The following QNG1 variants were observed in gnomAD, a reference collection of about 807,000 sequenced individuals.
The protein encoded by QNG1 is queuosine 5'-phosphate N-glycosylase/hydrolase.
the QNG1 span, chr9:83,939,125 G>A: frequency 4.8e-4 from 89 of 183,956 alleles, no homozygotes; most frequent in Non-Finnish European, 8.0e-4. Context: ...TGAGGCTGGA[G>A]TGCAATGGCC....
the QNG1 span, among the ~76,000 whole-genome samples, chr9:83,949,095 TAAAAAAA>T: frequency 5.0e-5 from 6 of 121,136 alleles, no homozygotes; most frequent in African/African-American, 1.8e-4. Flanking sequence ...CAATAAATAC[TAAAAAAA>T]AAAAAAAAAG....
chr9:83,955,429 G>A, the QNG1 span: 1 of 1,614,076 alleles, frequency 6.2e-7, no homozygotes, highest in East Asian at 2.2e-5. Flanking sequence ...CAACCACCAG[G>A]TGCATTAACT....
At chr9:83,944,028 C>CAAACAAACAAACAAACAAACAAAA in the QNG1 span, among the ~76,000 whole-genome samples, 26 of 149,966 alleles carry the variant, frequency 1.7e-4, no homozygotes, top group African/African-American at 5.9e-4. Flanking sequence ...CTCAAACAAA[C>CAAACAAACAAACAAACAAACAAAA]AAACATAAAG....
chr9:83,952,876 C>T, the QNG1 span, among the ~76,000 whole-genome samples: 19 of 149,704 alleles, frequency 1.3e-4, no homozygotes, highest in Non-Finnish European at 2.5e-4. Flanking sequence ...CAGAGAACCG[C>T]TTGAACCTGG....
the QNG1 span, among the ~76,000 whole-genome samples, chr9:83,945,743 G>A: frequency 1.3e-5 from 2 of 151,650 alleles, no homozygotes; most frequent in African/African-American, 4.9e-5. Context: ...CTGGGACTAC[G>A]GGCGCCGTCA....
At chr9:83,944,622 A>G in the QNG1 span, among the ~76,000 whole-genome samples, 5 of 152,268 alleles carry the variant, frequency 3.3e-5, no homozygotes, top group Non-Finnish European at 5.9e-5. Context: ...CACAGTGTAA[A>G]CAAAAAGAAA....
At chr9:83,954,042 G>T in the QNG1 span, among the ~76,000 whole-genome samples, 1 of 151,974 alleles carries the variant, frequency 6.6e-6, no homozygotes, top group Admixed American at 6.6e-5. Flanking sequence ...CTACAGGTGC[G>T]TGCAACCATA....
the QNG1 span, among the ~76,000 whole-genome samples, chr9:83,955,809 T>C: frequency 6.6e-6 from 1 of 152,246 alleles, no homozygotes; most frequent in Non-Finnish European, 1.5e-5. Flanking sequence ...CTTGTTCATC[T>C]GTACTTATTC....
the QNG1 span, chr9:83,956,037 C>G: frequency 1.6e-4 from 142 of 872,824 alleles, no homozygotes; most frequent in Non-Finnish European, 2.4e-4. Flanking sequence ...TAAGGACTTG[C>G]AACGAACTTC....
chr9:83,953,343 ATTCT>A, the QNG1 span, among the ~76,000 whole-genome samples: 1 of 151,168 alleles, frequency 6.6e-6, no homozygotes, highest in South Asian at 2.1e-4. Context: ...ATACAATTGA[ATTCT>A]TTTTTTTTTT....
the QNG1 span, chr9:83,956,276 G>A: frequency 6.2e-7 from 1 of 1,614,128 alleles, no homozygotes; most frequent in Non-Finnish European, 8.5e-7. Context: ...AAAAGGAGAA[G>A]TTGAGCGTGT....
chr9:83,949,153 C>T, the QNG1 span, among the ~76,000 whole-genome samples: 6 of 151,512 alleles, frequency 4.0e-5, no homozygotes, highest in Middle Eastern at 3.5e-3. Flanking sequence ...TTCTCATTTT[C>T]TGAGAAAATG....
At chr9:83,950,499 T>C in the QNG1 span, among the ~76,000 whole-genome samples, 2 of 152,222 alleles carry the variant, frequency 1.3e-5, no homozygotes, top group Admixed American at 6.5e-5. Context: ...TTTCATGATA[T>C]TGTTTTGTGA....
At chr9:83,945,965 C>A in the QNG1 span, among the ~76,000 whole-genome samples, 1 of 151,922 alleles carries the variant, frequency 6.6e-6, no homozygotes, top group Non-Finnish European at 1.5e-5. Flanking sequence ...AATTAAAACA[C>A]GTCTGTTTTT....
chr9:83,953,779 C>A, the QNG1 span: 33 of 1,546,776 alleles, frequency 2.1e-5, no homozygotes, highest in East Asian at 8.1e-4. Flanking sequence ...AAGAATTTTA[C>A]AAAAACAAAA....
the QNG1 span, among the ~76,000 whole-genome samples, chr9:83,948,819 GTGC>G: frequency 6.6e-6 from 1 of 152,164 alleles, no homozygotes; most frequent in African/African-American, 2.4e-5. Flanking sequence ...TCTGAAACAT[GTGC>G]TGGGTCCACT....
the QNG1 span, among the ~76,000 whole-genome samples, chr9:83,942,139 TGTTCCTTGA>T: frequency 1.1e-4 from 16 of 152,354 alleles, no homozygotes; most frequent in African/African-American, 3.8e-4. Flanking sequence ...AATACATTTC[TGTTCCTTGA>T]AGCCATCTAG....
the QNG1 span, chr9:83,953,779 C>T: frequency 3.2e-6 from 5 of 1,546,660 alleles, no homozygotes; most frequent in African/African-American, 5.5e-5. Context: ...AAGAATTTTA[C>T]AAAAACAAAA....
chr9:83,952,979 A>G, the QNG1 span, among the ~76,000 whole-genome samples: 6 of 150,558 alleles, frequency 4.0e-5, no homozygotes, highest in East Asian at 9.9e-4. Context: ...AAAAAAAAGT[A>G]TCAGATTGGC....
Sources: gnomAD v4.1 joint callset for allele counts (sites outside exome capture counted in the v4.1 genomes callset) on GRCh38, gnomAD v4.1.1 for gene constraint, MANE v1.5 for transcripts, NCBI Gene and HGNC (gene_info 2026-07-23, HGNC 2026-07-21) for gene names.